Variants in SLC2A5 observed in about 807,000 individuals in gnomAD.
SLC2A5 encodes solute carrier family 2 member 5, also known as solute carrier family 2, facilitated glucose transporter member 5.
SLC2A5 carries 56 observed loss-of-function variants against 50.3 expected under a neutral mutation model. The observed-to-expected ratio is 1.11, with a 90% confidence interval of 0.90 to 1.39. The LOEUF (loss-of-function observed/expected upper bound fraction) is 1.39, where lower values mean the gene tolerates loss of function less well. Ranked by LOEUF, SLC2A5 falls within the 40% of genes most tolerant of loss-of-function variation. The pLI is 0.00. For synonymous variants in SLC2A5, 269 were observed against 281.9 expected (o/e 0.95, Z 0.46); for missense variants, 566 against 650.1 (o/e 0.87, Z 1.41).
In SLC2A5 at chr1:9,037,346, C is replaced by G. The variant is rs906659113; in HGVS notation, c.*240G>C. The G allele has an allele frequency of 2.0e-6, 1 of 496,244 alleles. No individual in the cohort carries two copies. The highest frequency in any genetic ancestry group is 3.7e-6 in the Non-Finnish European group (1 of 273,564). 30.7% of individuals were successfully genotyped at this position (496,244 alleles called of 1,614,324 possible). A position where few individuals can be genotyped will look rare whatever the true frequency, so the allele number is the denominator to read the frequency against. On this transcript the variant is annotated 3_prime_UTR_variant, in exon 12 of 12. Transcript: ENST00000377424. The stretch of plus-strand genomic sequence containing the variant: ...AGGCTGAACCAGCAAAGTGGAGGAC[C>G]AGCTGTTTAATTGACTCGGGTCTGG...
At chr1:9,053,156 T>TA (rs1641633972) in intron 3 of SLC2A5, among the ~76,000 whole-genome samples, 1 of 96,370 alleles carries the variant, frequency 1.0e-5, no homozygotes, top group Non-Finnish European at 1.8e-5. Context: ...AATATATATT[T>TA]TATATATTTA....
chr1:9,039,099 C>T (rs986624529), intron 8 of SLC2A5, among the ~76,000 whole-genome samples, 170 bp from the exon 9 acceptor site: 4 of 152,246 alleles, frequency 2.6e-5, no homozygotes, highest in Non-Finnish European at 5.9e-5. Context: ...AGCGGGAAGT[C>T]GGCTGTGGCT....
At chr1:9,092,235 C>T (rs1642468063), upstream of SLC2A5, among the ~76,000 whole-genome samples, 1 of 152,092 alleles carries the variant, frequency 6.6e-6, no homozygotes, top group South Asian at 2.1e-4. Flanking sequence ...CAACATATCC[C>T]CTCTTTTTAT....
At chr1:9,050,394 G>A (rs112346897) in intron 3 of SLC2A5, among the ~76,000 whole-genome samples, 19 of 152,050 alleles carry the variant, frequency 1.2e-4, no homozygotes, top group African/African-American at 4.3e-4. Flanking sequence ...GAAGTTTGAG[G>A]CTGCAGCAAG....
chr1:9,055,922 TAAAG>T (rs1641738948), intron 3 of SLC2A5, among the ~76,000 whole-genome samples: 1 of 152,002 alleles, frequency 6.6e-6, no homozygotes, highest in Non-Finnish European at 1.5e-5. Context: ...CCTCAAAAAA[TAAAG>T]AAATAAATAA....
chr1:9,041,904 C>T lies in SLC2A5; in HGVS notation c.452G>A (p.Gly151Glu). Residue 151 changes from glycine (G) to glutamate (E), a missense_variant, in exon 5 of 12, where the codon GGG becomes GAG. Physicochemically the swap from Gly to Glu is moderately conservative, Grantham distance 98. Transcript: ENST00000377424. ...VSSNVVPMYL[G>E]ELAPKNLRGA... ...CCGCAGGTTTTTAGGGGCCAGCTCC[C>T]CTAAGTACATGGGGACCACGTTGGA... 6.2e-7 allele frequency: 1 copy of T among 1,613,170 alleles called. No individual in the cohort carries two copies. The highest frequency in any genetic ancestry group is 2.2e-5 in the East Asian group (1 of 44,864).
At chr1:9,060,962 G>T (rs1331975455) in intron 1 of SLC2A5, among the ~76,000 whole-genome samples, 1 of 151,392 alleles carries the variant, frequency 6.6e-6, no homozygotes, top group Non-Finnish European at 1.5e-5. Flanking sequence ...GAGGGGTGGG[G>T]GTGAGGGGAA....
the SLC2A5 span, among the ~76,000 whole-genome samples, chr1:9,093,916 C>A: frequency 6.6e-6 from 1 of 152,142 alleles, no homozygotes; most frequent in African/African-American, 2.4e-5. Flanking sequence ...ACATGCTGGT[C>A]GGCAATTATC....
intron 2 of SLC2A5, among the ~76,000 whole-genome samples, chr1:9,084,482 C>T (rs1642384876): frequency 6.6e-6 from 1 of 152,220 alleles, no homozygotes; most frequent in Non-Finnish European, 1.5e-5. Context: ...ACACTGCCTG[C>T]GGTTAAGGTC....
chr1:9,038,125 C>T lies in SLC2A5; in HGVS notation c.1175-101G>A, dbSNP rs1266423178. ...CAGGTAGCTGGCCCCAGGACAGAGGCGTCTCCAGGACTCTTGGGCATGTGG... is the reference window on the plus strand; with the variant it reads ...CAGGTAGCTGGCCCCAGGACAGAGGTGTCTCCAGGACTCTTGGGCATGTGG... On this transcript the variant is annotated intron_variant, in intron 10 of 11. Transcript: ENST00000377424. 2.1e-5 allele frequency: 29 copies of T among 1,389,182 alleles called. 1 individual carries two copies. Among genetic ancestry groups the T allele is most frequent in the Middle Eastern group, 2.5e-4 (1 of 3,960 alleles). 86.1% of individuals were successfully genotyped at this position (1,389,182 alleles called of 1,614,324 possible). A position where few individuals can be genotyped will look rare whatever the true frequency, so the allele number is the denominator to read the frequency against.
chr1:9,074,990 C>A (rs79567532), intron 2 of SLC2A5, among the ~76,000 whole-genome samples: 1,577 of 151,664 alleles, frequency 0.01, 36 homozygotes, highest in South Asian at 0.06. Context: ...CCACAGAACT[C>A]GGCTTGAGCA....
At chr1:9,065,541 C>A (rs994665559) in intron 1 of SLC2A5, among the ~76,000 whole-genome samples, 1 of 152,180 alleles carries the variant, frequency 6.6e-6, no homozygotes, top group Non-Finnish European at 1.5e-5. Context: ...CTCAGTTTCA[C>A]AAACAGGTAG....
At chr1:9,087,098 A>C (rs1642408243) in intron 1 of SLC2A5, among the ~76,000 whole-genome samples, 1 of 152,204 alleles carries the variant, frequency 6.6e-6, no homozygotes, top group South Asian at 2.1e-4. Context: ...GGTCTGTAAG[A>C]GAGAAGAGCT....
chr1:9,040,394 C>T lies in SLC2A5; in HGVS notation c.572-205G>A, dbSNP rs1641269411. 1.1e-5 allele frequency: 7 copies of T among 614,170 alleles called. No individual in the cohort carries two copies. The allele number at this position is 614,170 out of a possible 1,614,324, so 38.0% of individuals were successfully genotyped here. ...GGATCAGCAGCGACGCACCCCTGCGCCCATCAGACAGACCACACCGACGAG... is the reference window on the plus strand; with the variant it reads ...GGATCAGCAGCGACGCACCCCTGCGTCCATCAGACAGACCACACCGACGAG... On this transcript the variant is annotated intron_variant, in intron 5 of 11. Coordinates refer to ENST00000377424, the MANE Select transcript of SLC2A5 (RefSeq NM_003039.3). This position sits in a 1 kb window ranked among gnomAD's most constrained non-coding sequence, Gnocchi z 4.3.
At chr1:9,085,349 G>A (rs1366177998) in intron 1 of SLC2A5, among the ~76,000 whole-genome samples, 2 of 152,150 alleles carry the variant, frequency 1.3e-5, no homozygotes, top group Admixed American at 1.3e-4. Flanking sequence ...CTAGAAAGGC[G>A]GGACGATTCA....
At position 9,058,285 on chromosome 1, in the gene SLC2A5, C is replaced by G. The variant is rs375904822; in HGVS notation, c.34-35G>C. On this transcript the variant is annotated intron_variant, in intron 1 of 11. Coordinates refer to ENST00000377424, the MANE Select transcript of SLC2A5 (RefSeq NM_003039.3). ...TCACAGCTTAGGTCAGGAAGCAGCC[C>G]CAGGGTTCCAGGGCCCTCCCGCTTT... The G allele has an allele frequency of 5.7e-6, 8 of 1,409,982 alleles. No individual in the cohort carries two copies. In the African/African-American group the frequency reaches 9.9e-5, roughly 17 times the overall value. The allele number at this position is 1,409,982 out of a possible 1,614,324, so 87.3% of individuals were successfully genotyped here. A position where few individuals can be genotyped will look rare whatever the true frequency, so the allele number is the denominator to read the frequency against.
At chr1:9,088,981 G>T (rs944267070), upstream of SLC2A5, among the ~76,000 whole-genome samples, 1 of 152,236 alleles carries the variant, frequency 6.6e-6, no homozygotes, top group South Asian at 2.1e-4. Flanking sequence ...AGAAATTCCT[G>T]CACATAATTC....
intron 1 of SLC2A5, among the ~76,000 whole-genome samples, chr1:9,067,280 A>G (rs755894270): frequency 1.7e-4 from 26 of 152,218 alleles, no homozygotes; most frequent in African/African-American, 5.1e-4. Context: ...GGCTGCTCTC[A>G]GGAGCGGGAA....
chr1:9,053,208 T>TA (rs1271366304), intron 3 of SLC2A5, among the ~76,000 whole-genome samples: 1 of 79,634 alleles, frequency 1.3e-5, no homozygotes, highest in African/African-American at 5.1e-5. Flanking sequence ...ATATATTATA[T>TA]TTATATATTA....
Sources: gnomAD v4.1 joint callset for allele counts (sites outside exome capture counted in the v4.1 genomes callset) on GRCh38, gnomAD v4.1.1 for gene constraint, Gnocchi (gnomAD v3.1) non-coding constraint, MANE v1.5 for transcripts, NCBI Gene and HGNC (gene_info 2026-07-23, HGNC 2026-07-21) for gene names.